Variants in CACNA1C observed in about 807,000 individuals in gnomAD.
CACNA1C encodes voltage-dependent L-type calcium channel subunit alpha-1C.
CACNA1C carries 30 observed loss-of-function variants against 229.0 expected under a neutral mutation model. The ratio of observed to expected loss-of-function variants is 0.13; its 90% confidence interval spans 0.10 to 0.18. The LOEUF is 0.18. Ranked by LOEUF, CACNA1C falls within the 10% of genes least tolerant of loss-of-function variation. The pLI, the probability that CACNA1C is intolerant of heterozygous loss-of-function variation, is 1.00. For missense variants in CACNA1C, 1,658 were observed against 2,845.0 expected (o/e 0.58, Z 9.49); for synonymous variants, 1,114 against 1,132.5 (o/e 0.98, Z 0.33).
rs1442955515 is a variant in CACNA1C at position 2,633,174 on chromosome 12, C to T, written c.3829-1123C>T. ...TTCACCCATAGGACCGAGCCCGCTA[C>T]CCTCTGAGGGGTCACACACCTGTGT... On this transcript the variant is annotated intron_variant, in intron 29 of 46. Transcript: ENST00000399655. This position sits in a 1 kb window ranked among gnomAD's most constrained non-coding sequence, Gnocchi z 5.8. Among the ~76,000 whole-genome samples the T allele has an allele frequency of 6.6e-6, 1 of 152,202 alleles. No homozygotes were observed. Among genetic ancestry groups the T allele is most frequent in the African/African-American group, 2.4e-5 (1 of 41,450 alleles).
In CACNA1C at chr12:2,294,429, T is replaced by G. The variant is rs1314259388; in HGVS notation, c.478-154547T>G. 6.0e-5 allele frequency among the ~76,000 whole-genome samples: 9 copies of G among 149,310 alleles called. No individual in the cohort carries two copies. The East Asian group carries it at 1.8e-3, about 30-fold the overall frequency. On this transcript the variant is annotated intron_variant, in intron 3 of 46. Coordinates refer to ENST00000399655, the MANE Select transcript of CACNA1C (RefSeq NM_000719.7). ...CAAAGCACGAAGGCCTTGAATACCC[T>G]GGGCAGAAGCTGAGCAGGCAGTCAG... is the stretch of plus-strand genomic sequence containing the variant.
chr12:2,470,516 C>T (rs2099585785), intron 5 of CACNA1C, among the ~76,000 whole-genome samples: 1 of 152,162 alleles, frequency 6.6e-6, no homozygotes. Context: ...GGTTGATTCT[C>T]TCGTGCTGAT....
chr12:2,679,767 G>A lies in CACNA1C; in HGVS notation c.5415G>A (p.Gln1805=), dbSNP rs778285875. 4.4e-6 allele frequency: 7 copies of A among 1,582,802 alleles called. No homozygotes were observed. In the Admixed American group the frequency reaches 1.1e-4, roughly 24 times the overall value. ...CCTTGTCCCCTGCCATCCGGGTGCA[G>A]GAGGTGGCGTGGAAGCTCAGCTCCA... is the stretch of plus-strand genomic sequence containing the variant. ...GPPLSPAIRV[Q]EVAWKLSSNR... Residue 1805 remains glutamine (Q), a synonymous_variant, in exon 42 of 47, where the codon CAG becomes CAA. Transcript: ENST00000399655. This position sits in a 1 kb window ranked among gnomAD's most constrained non-coding sequence, Gnocchi z 5.5.
At chr12:2,393,439 GAATCC>G (rs2098521622) in intron 3 of CACNA1C, among the ~76,000 whole-genome samples, 1 of 152,176 alleles carries the variant, frequency 6.6e-6, no homozygotes, top group Admixed American at 6.5e-5. Flanking sequence ...TCTGACTGTG[GAATCC>G]TTCTCATTTT....
intron 22 of CACNA1C, among the ~76,000 whole-genome samples, chr12:2,603,999 T>A (rs988895802): frequency 6.6e-6 from 1 of 152,174 alleles, no homozygotes; most frequent in African/African-American, 2.4e-5. Context: ...TCTAGGTTCT[T>A]CTTGTGCTCT....
chr12:2,578,075 A>G (rs1051142138), intron 13 of CACNA1C, among the ~76,000 whole-genome samples: 1 of 151,918 alleles, frequency 6.6e-6, no homozygotes, highest in South Asian at 2.1e-4. Flanking sequence ...TCACCGTGTT[A>G]GCCAGGATGG....
chr12:2,358,130 G>T (rs1431117276), intron 3 of CACNA1C, among the ~76,000 whole-genome samples: 1 of 152,118 alleles, frequency 6.6e-6, no homozygotes, highest in Non-Finnish European at 1.5e-5. Context: ...CCTCAGAGGG[G>T]TTTTCCAAAG....
At chr12:2,420,102 G>GGTGTGTGT (rs564990323) in intron 3 of CACNA1C, among the ~76,000 whole-genome samples, 2,271 of 125,462 alleles carry the variant, frequency 0.018, 111 homozygotes, top group African/African-American at 0.056. Flanking sequence ...TAGGCAAAAT[G>GGTGTGTGT]GTGTGTGTGT....
At chr12:2,383,363 C>G (rs1021997730) in intron 3 of CACNA1C, among the ~76,000 whole-genome samples, 1 of 152,118 alleles carries the variant, frequency 6.6e-6, no homozygotes, top group African/African-American at 2.4e-5. Flanking sequence ...TTGGAATAAT[C>G]GTAACCACTC....
chr12:2,007,347 A>T (rs1259471999), intron 1 of CACNA1C, among the ~76,000 whole-genome samples: 1 of 152,238 alleles, frequency 6.6e-6, no homozygotes, highest in African/African-American at 2.4e-5. Flanking sequence ...AATTGCTTTG[A>T]GCTCATTAGA....
At chr12:1,975,516 C>T (rs909597870) in intron 1 of CACNA1C, among the ~76,000 whole-genome samples, 5 of 152,080 alleles carry the variant, frequency 3.3e-5, no homozygotes, top group South Asian at 2.1e-4. Flanking sequence ...CTAAAAGATG[C>T]TTTCCTTATT....
chr12:2,260,538 G>C (rs537508992), intron 3 of CACNA1C, among the ~76,000 whole-genome samples: 70 of 151,112 alleles, frequency 4.6e-4, no homozygotes, highest in African/African-American at 1.5e-3. Context: ...AAAGAAGAGA[G>C]AAAAGGAGAG....
At chr12:2,063,268 C>T (rs1243796433) in intron 1 of CACNA1C, among the ~76,000 whole-genome samples, 1 of 152,000 alleles carries the variant, frequency 6.6e-6, no homozygotes, top group Non-Finnish European at 1.5e-5. Context: ...TCTCCTGCCT[C>T]AGTCTCCTGA....
intron 37 of CACNA1C, chr12:2,668,637 C>T (rs529530304): frequency 2.0e-5 from 6 of 303,858 alleles, no homozygotes; most frequent in South Asian, 1.3e-4. Flanking sequence ...GAGGCAGGTA[C>T]GTCACATGGA....
chr12:2,178,158 T>C (rs2096725077), intron 3 of CACNA1C, among the ~76,000 whole-genome samples: 1 of 152,224 alleles, frequency 6.6e-6, no homozygotes, highest in Admixed American at 6.5e-5. Flanking sequence ...TTGCCTCTTA[T>C]TAAAAGGAAA....
At chr12:2,187,021 T>G (rs1413935795) in intron 3 of CACNA1C, among the ~76,000 whole-genome samples, 1 of 152,210 alleles carries the variant, frequency 6.6e-6, no homozygotes, top group Admixed American at 6.5e-5. Context: ...CCCCCTTGCC[T>G]GTCCTGCTGC....
In CACNA1C at chr12:2,003,037, C is replaced by T. The variant is rs561778811; in HGVS notation, c.139+31836C>T. On this transcript the variant is annotated intron_variant, in intron 1 of 46. Coordinates refer to the CACNA1C transcript ENST00000682462. ...CGAATATTAAAGAGCTCTTCCTGTT[C>T]TCCTTTTGTGTTTGGCTACTAGGAG... Among the ~76,000 whole-genome samples, 3 of 152,312 alleles carry T rather than the reference C, an allele frequency of 2.0e-5. No homozygotes were observed. In the South Asian group the frequency reaches 6.2e-4, roughly 32 times the overall value.
intron 3 of CACNA1C, among the ~76,000 whole-genome samples, chr12:2,192,451 C>T (rs938440323): frequency 3.9e-5 from 6 of 152,312 alleles, no homozygotes; most frequent in Admixed American, 1.3e-4. Flanking sequence ...CAGGCCGGGC[C>T]GGCTCACGTG....
At chr12:2,669,697 T>C (rs2096447134) in intron 38 of CACNA1C, among the ~76,000 whole-genome samples, 2 of 152,326 alleles carry the variant, frequency 1.3e-5, no homozygotes, top group East Asian at 3.9e-4. Flanking sequence ...CAGTGACAAG[T>C]GGTGGCCGTG....
Sources: gnomAD v4.1 joint callset for allele counts (sites outside exome capture counted in the v4.1 genomes callset) on GRCh38, gnomAD v4.1.1 for gene constraint, Gnocchi (gnomAD v3.1) non-coding constraint, MANE v1.5 for transcripts, NCBI Gene and HGNC (gene_info 2026-07-23, HGNC 2026-07-21) for gene names.